The following CCSER1 variants were observed in gnomAD, a reference collection of about 807,000 sequenced individuals.
The protein encoded by CCSER1 is coiled-coil serine rich protein 1.
A neutral mutation model predicts 82.0 loss-of-function variants in CCSER1; 41 were observed. The observed-to-expected ratio is 0.50, with a 90% CI of 0.39 to 0.65. The LOEUF is 0.65. Ranked by LOEUF, CCSER1 falls within the 30% of genes least tolerant of loss-of-function variation. The pLI, the probability that CCSER1 is intolerant of heterozygous loss-of-function variation, is 0.00. For synonymous variants in CCSER1, 414 were observed against 383.9 expected (o/e 1.08, Z -0.92); for missense variants, 1,119 against 1,064.2 (o/e 1.05, Z -0.72).
intron 10 of CCSER1, among the ~76,000 whole-genome samples, chr4:91,384,274 G>C (rs1169757967): frequency 6.6e-6 from 1 of 151,948 alleles, no homozygotes; most frequent in Admixed American, 6.6e-5. Flanking sequence ...ATCCATGGTT[G>C]ACAAAAATGT....
intron 9 of CCSER1, among the ~76,000 whole-genome samples, chr4:91,081,956 A>G (rs963795432): frequency 6.6e-6 from 1 of 152,218 alleles, no homozygotes; most frequent in African/African-American, 2.4e-5. Flanking sequence ...CATGGGTAGG[A>G]AGAATCAATA....
In CCSER1 at chr4:90,127,562, GCCTCT is replaced by G. The variant is rs1721995981; in HGVS notation, c.-304_-300del. The stretch of plus-strand genomic sequence containing the variant: ...ATAGTCGCCGACCTACTGCCAATCC[GCCTCT>G]CCTCTCTCTCTCTCTCTGTCTCAAC... On this transcript the variant is annotated 5_prime_UTR_variant, in exon 1 of 11. Coordinates refer to ENST00000509176, the MANE Select transcript of CCSER1 (RefSeq NM_001145065.2). 1 of 152,726 alleles carries G rather than the reference GCCTCT, an allele frequency of 6.5e-6. No homozygotes were observed. Among genetic ancestry groups the G allele is most frequent in the South Asian group, 2.1e-4 (1 of 4,830 alleles). The allele number at this position is 152,726 out of a possible 1,614,324, so 9.5% of individuals were successfully genotyped here.
At chr4:90,505,167 G>A (rs1056105010) in intron 5 of CCSER1, among the ~76,000 whole-genome samples, 2 of 152,188 alleles carry the variant, frequency 1.3e-5, no homozygotes, top group African/African-American at 4.8e-5. Context: ...GAACAGAAAA[G>A]TAAAATTGCC....
intron 10 of CCSER1, among the ~76,000 whole-genome samples, chr4:91,140,006 A>T (rs546450956): frequency 7.2e-5 from 11 of 152,260 alleles, no homozygotes; most frequent in Admixed American, 5.2e-4. Flanking sequence ...TAATTTTCTT[A>T]GATGATTCTT....
chr4:91,352,726 G>A (rs147271059), intron 10 of CCSER1, among the ~76,000 whole-genome samples: 1 of 152,262 alleles, frequency 6.6e-6, no homozygotes, highest in East Asian at 1.9e-4. Flanking sequence ...GGAATATAAT[G>A]TGGAATGAAG....
chr4:90,986,721 A>C (rs180677719), intron 9 of CCSER1, among the ~76,000 whole-genome samples: 7 of 151,964 alleles, frequency 4.6e-5, no homozygotes, highest in Admixed American at 4.6e-4. Context: ...AAACACTAGC[A>C]ACTTTTTGAC....
intron 9 of CCSER1, among the ~76,000 whole-genome samples, chr4:91,028,856 A>C (rs958997489): frequency 5.3e-5 from 8 of 152,078 alleles, no homozygotes; most frequent in Non-Finnish European, 1.0e-4. Context: ...ATTACAATGT[A>C]GCAGAAACAT....
chr4:91,566,992 G>A (rs1400042648), intron 10 of CCSER1, among the ~76,000 whole-genome samples: 4 of 151,904 alleles, frequency 2.6e-5, no homozygotes, highest in Non-Finnish European at 5.9e-5. Context: ...GTTGTTCACT[G>A]AGATCTTTCT....
intron 10 of CCSER1, among the ~76,000 whole-genome samples, chr4:91,592,146 A>G (rs1005872681): frequency 1.3e-5 from 2 of 152,144 alleles, no homozygotes; most frequent in Admixed American, 6.6e-5. Flanking sequence ...TCACATTGCT[A>G]ATGAAGACAT....
chr4:91,255,151 G>A (rs2149155429), intron 10 of CCSER1, among the ~76,000 whole-genome samples: 1 of 152,256 alleles, frequency 6.6e-6, no homozygotes, highest in Admixed American at 6.5e-5. Context: ...TAAGTTCTCT[G>A]TAAGCATTCT....
At chr4:90,799,703 A>G (rs568596123) in intron 7 of CCSER1, among the ~76,000 whole-genome samples, 7 of 152,272 alleles carry the variant, frequency 4.6e-5, no homozygotes, top group African/African-American at 1.4e-4. Flanking sequence ...AACGTCTCCT[A>G]TGGGAGCAAG....
At chr4:90,575,697 T>A (rs1780666372) in intron 5 of CCSER1, among the ~76,000 whole-genome samples, 1 of 145,542 alleles carries the variant, frequency 6.9e-6, no homozygotes, top group Non-Finnish European at 1.5e-5. Context: ...TTTCCTCAAA[T>A]TTTTTTTTCT....
chr4:90,175,345 A>AG (rs1459388890), intron 1 of CCSER1, among the ~76,000 whole-genome samples: 6 of 151,992 alleles, frequency 3.9e-5, no homozygotes, highest in Admixed American at 2.6e-4. Flanking sequence ...TCCATGAAGA[A>AG]GGGGTAAGAT....
intron 9 of CCSER1, among the ~76,000 whole-genome samples, chr4:90,987,490 A>G (rs1387389583): frequency 1.3e-5 from 2 of 151,818 alleles, no homozygotes; most frequent in Middle Eastern, 3.4e-3. Context: ...TTTCTGGAAT[A>G]TAACTTCCCT....
At chr4:91,517,745 C>CGTGTGTGT (rs71579530) in intron 10 of CCSER1, among the ~76,000 whole-genome samples, 38 of 121,154 alleles carry the variant, frequency 3.1e-4, no homozygotes, top group African/African-American at 8.1e-4. Flanking sequence ...AGTTCTTTCT[C>CGTGTGTGT]GTGTGTGTGT....
intron 10 of CCSER1, among the ~76,000 whole-genome samples, chr4:91,518,118 G>A (rs577943125): frequency 2.0e-4 from 30 of 152,148 alleles, no homozygotes; most frequent in Middle Eastern, 6.8e-3. Context: ...TGGCACTCCC[G>A]GGCTGCATGC....
chr4:91,536,265 A>C (rs1761288484), intron 10 of CCSER1, among the ~76,000 whole-genome samples: 1 of 152,128 alleles, frequency 6.6e-6, no homozygotes, highest in African/African-American at 2.4e-5. Context: ...TGAATACAAG[A>C]AATATTTATT....
chr4:91,473,419 C>A (rs1757396599), intron 10 of CCSER1, among the ~76,000 whole-genome samples: 1 of 151,988 alleles, frequency 6.6e-6, no homozygotes, highest in South Asian at 2.1e-4. Context: ...AAGTACTGGT[C>A]TCGTTAGTCA....
intron 10 of CCSER1, among the ~76,000 whole-genome samples, chr4:91,284,161 ACTCT>A (rs1323015379): frequency 6.6e-6 from 1 of 151,790 alleles, no homozygotes; most frequent in Non-Finnish European, 1.5e-5. Context: ...CAATATTAGC[ACTCT>A]CTCTCTCAAC....
Sources: allele counts gnomAD v4.1 joint callset (sites outside exome capture counted in the v4.1 genomes callset), GRCh38; gene constraint gnomAD v4.1.1; transcripts MANE v1.5; gene names NCBI Gene and HGNC (gene_info 2026-07-23, HGNC 2026-07-21).